CNNM2: variants seen among roughly 807,000 people sequenced by gnomAD.
CNNM2 encodes metal transporter CNNM2.
CNNM2 carries 12 observed loss-of-function variants against 66.9 expected under a neutral mutation model. The ratio of observed to expected loss-of-function variants is 0.18; its 90% CI spans 0.11 to 0.29. The LOEUF is 0.29. Among genes scored for constraint, CNNM2 ranks in the 10% least tolerant of loss-of-function variants. The pLI is 1.00. For synonymous variants in CNNM2, 557 were observed against 501.8 expected (o/e 1.11, Z -1.47); for missense variants, 705 against 1,167.7 (o/e 0.60, Z 5.77).
intron 1 of CNNM2, among the ~76,000 whole-genome samples, chr10:103,037,197 A>G (rs1035760635): frequency 1.3e-5 from 2 of 150,808 alleles, no homozygotes; most frequent in Non-Finnish European, 3.0e-5. Context: ...AATCATATTA[A>G]AGAAGTAGAC....
At chr10:102,958,522 G>A (rs551006321) in intron 1 of CNNM2, among the ~76,000 whole-genome samples, 1 of 123,278 alleles carries the variant, frequency 8.1e-6, no homozygotes, top group South Asian at 2.8e-4. Flanking sequence ...CCAGGCTGGA[G>A]TGCAGTGGCG....
At chr10:102,954,063 C>G (rs1846939643) in intron 1 of CNNM2, among the ~76,000 whole-genome samples, 1 of 151,620 alleles carries the variant, frequency 6.6e-6, no homozygotes, top group African/African-American at 2.4e-5. Context: ...CCAGACTGCT[C>G]AAAGACACCA....
chr10:102,976,883 A>G (rs1014884639), intron 1 of CNNM2, among the ~76,000 whole-genome samples: 1 of 152,012 alleles, frequency 6.6e-6, no homozygotes, highest in African/African-American at 2.4e-5. Flanking sequence ...TGTTTGTTGA[A>G]TGAATAAACA....
rs117460856 is a variant in CNNM2 at position 103,062,011 on chromosome 10, C to T, written c.2073+5047C>T. Among the ~76,000 whole-genome samples, 1,465 of 152,266 alleles carry T rather than the reference C, an allele frequency of 9.6e-3. 13 individuals carry two copies. Among genetic ancestry groups the T allele is most frequent in the Non-Finnish European group, 0.013 (856 of 68,020 alleles). On this transcript the variant is annotated intron_variant, in intron 4 of 7. Transcript: ENST00000369878. ...AAAGAAAAAGTACAATAAATCATAT[C>T]CTAAACTGGTAGCCTCCCATCTAAA...
intron 1 of CNNM2, among the ~76,000 whole-genome samples, chr10:103,008,931 A>T (rs1265163064): frequency 1.3e-5 from 2 of 152,178 alleles, no homozygotes; most frequent in African/African-American, 4.8e-5. Context: ...AATGCCTGTC[A>T]GTTTAGACAA....
chr10:102,958,459 G>GTTTT (rs33992570), intron 1 of CNNM2, among the ~76,000 whole-genome samples: 14 of 51,742 alleles, frequency 2.7e-4, no homozygotes, highest in Non-Finnish European at 3.2e-4. Flanking sequence ...CAAGCAACTT[G>GTTTT]TTTTTTTTTT....
At chr10:102,985,414 C>T (rs1171642377) in intron 1 of CNNM2, among the ~76,000 whole-genome samples, 1 of 152,132 alleles carries the variant, frequency 6.6e-6, no homozygotes, top group Non-Finnish European at 1.5e-5. Context: ...GTGTCAACAT[C>T]ATTGAGAACT....
chr10:103,072,188 C>T (rs1277209845), intron 6 of CNNM2, among the ~76,000 whole-genome samples: 1 of 152,132 alleles, frequency 6.6e-6, no homozygotes, highest in East Asian at 1.9e-4. Flanking sequence ...ATTCTGACCT[C>T]AGCAAGTCAT....
intron 1 of CNNM2, among the ~76,000 whole-genome samples, chr10:102,945,489 A>G (rs1172860070): frequency 6.6e-6 from 1 of 152,142 alleles, no homozygotes; most frequent in Non-Finnish European, 1.5e-5. Context: ...TTTTGCGTAC[A>G]TTCCTTTATT....
chr10:102,941,246 A>G (rs1402598621), intron 1 of CNNM2, among the ~76,000 whole-genome samples: 1 of 150,900 alleles, frequency 6.6e-6, no homozygotes, highest in East Asian at 2.0e-4. Context: ...CAGTAATATG[A>G]TATTGTCTTT....
At chr10:103,056,371 T>G (rs2065296927) in intron 3 of CNNM2, among the ~76,000 whole-genome samples, 1 of 152,172 alleles carries the variant, frequency 6.6e-6, no homozygotes, top group South Asian at 2.1e-4. Flanking sequence ...GAGGGAGACG[T>G]GGGGCACCTG....
intron 1 of CNNM2, among the ~76,000 whole-genome samples, chr10:103,009,757 G>C (rs1379910247): frequency 6.6e-6 from 1 of 151,654 alleles, no homozygotes; most frequent in East Asian, 1.9e-4. Flanking sequence ...TCTGTAGTGA[G>C]TTGAAGTCCA....
rs2065726769 is a variant in CNNM2 at position 103,078,657 on chromosome 10, A to T, written c.*1477A>T. On this transcript the variant is annotated 3_prime_UTR_variant, in exon 8 of 8. Coordinates refer to ENST00000369878, the MANE Select transcript of CNNM2 (RefSeq NM_017649.5). ...TTGTTGGCGCTATTCATGCACTGAA[A>T]TGAAATCATACTGACCAGTGTACAC... 1 of 152,248 alleles carries T rather than the reference A, an allele frequency of 6.6e-6. No individual in the cohort carries two copies. Among genetic ancestry groups the T allele is most frequent in the African/African-American group, 2.4e-5 (1 of 41,462 alleles). 9.4% of individuals were successfully genotyped at this position (152,248 alleles called of 1,614,324 possible).
chr10:103,089,651 T>C lies in CNNM2; in HGVS notation c.*12471T>C. 6.4e-7 allele frequency: 1 copy of C among 1,574,000 alleles called. No individual in the cohort carries two copies. The highest frequency in any genetic ancestry group is 1.2e-5 in the South Asian group (1 of 82,784). On this transcript the variant is annotated 3_prime_UTR_variant, in exon 8 of 8. Coordinates refer to ENST00000369878, the MANE Select transcript of CNNM2 (RefSeq NM_017649.5). Reference sequence around the variant, plus strand: ...CTGCCAGGACTTGTTTAATGGGTGCTTGGGGTTTTGGTTTTCCTCCTTATT... The same window carrying C: ...CTGCCAGGACTTGTTTAATGGGTGCCTGGGGTTTTGGTTTTCCTCCTTATT...
intron 1 of CNNM2, among the ~76,000 whole-genome samples, chr10:102,943,999 T>G (rs930987526): frequency 6.6e-6 from 1 of 152,194 alleles, no homozygotes; most frequent in Admixed American, 6.5e-5. Context: ...TTTACATATA[T>G]GTAAGATTGG....
chr10:102,978,058 C>T lies in CNNM2; in HGVS notation c.1621+57957C>T, dbSNP rs560930680. On this transcript the variant is annotated intron_variant, in intron 1 of 7. Coordinates refer to ENST00000369878, the MANE Select transcript of CNNM2 (RefSeq NM_017649.5). The stretch of plus-strand genomic sequence containing the variant: ...CCAAGTAGCTGGGATTACAGGCATG[C>T]ACCACCACGCCTGGCTAACTTTTTG... 5.3e-5 allele frequency among the ~76,000 whole-genome samples: 8 copies of T among 152,068 alleles called. No homozygotes were observed. In the East Asian group the frequency reaches 9.8e-4, roughly 19 times the overall value.
chr10:103,003,681 G>A (rs564721564), intron 1 of CNNM2, among the ~76,000 whole-genome samples: 5 of 151,852 alleles, frequency 3.3e-5, no homozygotes, highest in East Asian at 4.0e-4. Flanking sequence ...AAAATTAGCC[G>A]GAAATCACTT....
At chr10:103,031,846 G>T (rs888766677) in intron 1 of CNNM2, among the ~76,000 whole-genome samples, 8 of 148,758 alleles carry the variant, frequency 5.4e-5, no homozygotes, top group Non-Finnish European at 9.0e-5. Flanking sequence ...TGCGGGGGGG[G>T]CGTGAGGGGA....
chr10:102,938,421 G>A (rs1846316670), intron 1 of CNNM2, among the ~76,000 whole-genome samples: 1 of 151,314 alleles, frequency 6.6e-6, no homozygotes, highest in Non-Finnish European at 1.5e-5. Flanking sequence ...TCCAGCCTGG[G>A]TGACAGAGCA....
Sources: allele counts gnomAD v4.1 joint callset (sites outside exome capture counted in the v4.1 genomes callset), GRCh38; gene constraint gnomAD v4.1.1; transcripts MANE v1.5; gene names NCBI Gene and HGNC (gene_info 2026-07-23, HGNC 2026-07-21).